PLCL1: variants seen among roughly 807,000 people sequenced by gnomAD.
PLCL1 encodes the protein inactive phospholipase C-like protein 1.
Under a neutral mutation model 84.4 loss-of-function variants are expected in PLCL1, and 41 were observed. The ratio of observed to expected loss-of-function variants is 0.49; its 90% CI spans 0.38 to 0.63. PLCL1 has a LOEUF of 0.63. PLCL1 is among the 30% of genes least tolerant of loss of function. The probability of loss-of-function intolerance (pLI) is 0.00; values close to 1 mark genes in which losing one functional copy is unlikely to be tolerated. For missense variants in PLCL1, 1,206 were observed against 1,367.8 expected (o/e 0.88, Z 1.87); for synonymous variants, 490 against 488.3 (o/e 1.00, Z -0.05).
chr2:198,023,712 A>G (rs546239768), intron 1 of PLCL1, among the ~76,000 whole-genome samples: 2 of 152,226 alleles, frequency 1.3e-5, no homozygotes, highest in African/African-American at 4.8e-5. Flanking sequence ...ATCTCATGCC[A>G]GTTAGAATGG....
rs80064351 is a variant in PLCL1, at chr2:197,978,695, A to G, written c.241-105063A>G. On this transcript the variant is annotated intron_variant, in intron 1 of 5. Transcript: ENST00000428675. ...TTCCAAATCAGAGTTGTGAGTGATC[A>G]GAGCCTATTCTGGCAGCTCAGCGTA... Among the ~76,000 whole-genome samples, 3 of 152,232 alleles carry G rather than the reference A, an allele frequency of 2.0e-5. No individual in the cohort carries two copies. In the South Asian group the frequency reaches 6.2e-4, roughly 32 times the overall value.
chr2:198,107,215 C>A (rs938001348), intron 5 of PLCL1, among the ~76,000 whole-genome samples: 1 of 151,856 alleles, frequency 6.6e-6, no homozygotes. Flanking sequence ...ACCATCAGAT[C>A]TTGTGAGAAC....
At chr2:198,132,470 C>T (rs1025052067) in intron 5 of PLCL1, among the ~76,000 whole-genome samples, 1 of 151,862 alleles carries the variant, frequency 6.6e-6, no homozygotes, top group African/African-American at 2.4e-5. Flanking sequence ...GGGGGGAGTC[C>T]ACATATTCAA....
chr2:197,898,033 G>A (rs1688188917), intron 1 of PLCL1, among the ~76,000 whole-genome samples: 1 of 152,228 alleles, frequency 6.6e-6, no homozygotes, highest in Non-Finnish European at 1.5e-5. Flanking sequence ...CCATCTCCGT[G>A]TAGAGAAGCC....
At chr2:198,109,295 A>AG (rs891042941) in intron 5 of PLCL1, among the ~76,000 whole-genome samples, 23 of 151,806 alleles carry the variant, frequency 1.5e-4, no homozygotes, top group African/African-American at 5.3e-4. Flanking sequence ...AGGCAAAAGA[A>AG]GGTAAAAGGG....
At chr2:198,103,974 T>C in intron 5 of PLCL1, 38 bp downstream of exon 5, 1 of 995,474 alleles carries the variant, frequency 1.0e-6, no homozygotes, top group Non-Finnish European at 1.5e-6. Context: ...TGCCTTTACT[T>C]TTCTTCTCCT....
chr2:198,111,122 G>T (rs1478161071), intron 5 of PLCL1, among the ~76,000 whole-genome samples: 1 of 151,944 alleles, frequency 6.6e-6, no homozygotes, highest in South Asian at 2.1e-4. Context: ...TCTTGTATCA[G>T]TTGGGGTATG....
At chr2:197,892,390 G>C (rs1376279036) in intron 1 of PLCL1, among the ~76,000 whole-genome samples, 1 of 152,138 alleles carries the variant, frequency 6.6e-6, no homozygotes, top group African/African-American at 2.4e-5. Context: ...TTGAATGCCT[G>C]GTTTGGAGTC....
chr2:197,907,247 CT>C (rs879939963), intron 1 of PLCL1, among the ~76,000 whole-genome samples: 92 of 146,338 alleles, frequency 6.3e-4, no homozygotes, highest in African/African-American at 8.6e-4. Context: ...CTTTTTCTTT[CT>C]TTTTTTTTTT....
At chr2:197,841,554 T>C (rs1687003650) in intron 1 of PLCL1, among the ~76,000 whole-genome samples, 1 of 152,222 alleles carries the variant, frequency 6.6e-6, no homozygotes, top group Non-Finnish European at 1.5e-5. Context: ...GCTCATTTCT[T>C]TTTGACACTG....
chr2:197,923,726 C>A (rs1327884014), intron 1 of PLCL1, among the ~76,000 whole-genome samples: 1 of 151,858 alleles, frequency 6.6e-6, no homozygotes, highest in Non-Finnish European at 1.5e-5. Flanking sequence ...GGCGGCCAGG[C>A]AGAGATGCTC....
intron 1 of PLCL1, among the ~76,000 whole-genome samples, chr2:197,960,572 G>A (rs181167778): frequency 6.6e-6 from 1 of 152,150 alleles, no homozygotes; most frequent in Non-Finnish European, 1.5e-5. Flanking sequence ...TTGGTGGGGG[G>A]ACTAGGGAAA....
At chr2:198,022,745 G>GA (rs1691167916) in intron 1 of PLCL1, among the ~76,000 whole-genome samples, 1 of 152,078 alleles carries the variant, frequency 6.6e-6, no homozygotes, top group Non-Finnish European at 1.5e-5. Context: ...AAGGAAATAA[G>GA]AGAGAACACA....
At chr2:197,814,953 G>A (rs978389192) in intron 1 of PLCL1, among the ~76,000 whole-genome samples, 2 of 152,190 alleles carry the variant, frequency 1.3e-5, no homozygotes, top group African/African-American at 2.4e-5. Context: ...GTTGGTTTAT[G>A]AGGTTTAAGG....
chr2:197,884,903 G>T (rs1014430113), intron 1 of PLCL1, among the ~76,000 whole-genome samples: 1 of 151,940 alleles, frequency 6.6e-6, no homozygotes, highest in Non-Finnish European at 1.5e-5. Context: ...AATTGAGACT[G>T]TATTGTTCCC....
At chr2:198,052,665 A>G (rs1481256579) in intron 1 of PLCL1, among the ~76,000 whole-genome samples, 3 of 152,222 alleles carry the variant, frequency 2.0e-5, no homozygotes, top group Admixed American at 2.0e-4. Flanking sequence ...TGAAGCAATG[A>G]GTAAAAATAA....
At chr2:197,940,962 C>T (rs911846423) in intron 1 of PLCL1, among the ~76,000 whole-genome samples, 2 of 151,938 alleles carry the variant, frequency 1.3e-5, no homozygotes, top group Non-Finnish European at 1.5e-5. Flanking sequence ...TTTATTTGTC[C>T]TTTCTGTATG....
At chr2:197,830,908 A>G (rs954676033) in intron 1 of PLCL1, among the ~76,000 whole-genome samples, 1 of 152,204 alleles carries the variant, frequency 6.6e-6, no homozygotes, top group African/African-American at 2.4e-5. Context: ...TTTCATATCC[A>G]GCCAAACTAA....
chr2:197,886,993 G>C (rs1687935334), intron 1 of PLCL1, among the ~76,000 whole-genome samples: 2 of 152,136 alleles, frequency 1.3e-5, no homozygotes, highest in South Asian at 4.1e-4. Flanking sequence ...CATCAACCAA[G>C]TTGAGTATAG....
Sources: allele counts gnomAD v4.1 joint callset (sites outside exome capture counted in the v4.1 genomes callset), GRCh38; gene constraint gnomAD v4.1.1; transcripts MANE v1.5; gene names NCBI Gene and HGNC (gene_info 2026-07-23, HGNC 2026-07-21).